Variants in EXTL3 observed in about 807,000 individuals in gnomAD.
EXTL3 encodes the protein exostosin-like 3.
In EXTL3, 27 loss-of-function variants were observed where a neutral mutation model predicts 69.3. The ratio of observed to expected loss-of-function variants is 0.39; its 90% CI spans 0.29 to 0.54. The LOEUF is 0.54. EXTL3 is among the 20% of genes least tolerant of loss of function. The probability of loss-of-function intolerance (pLI) is 0.69; values close to 1 mark genes in which losing one functional copy is unlikely to be tolerated. For missense variants in EXTL3, 1,003 were observed against 1,231.8 expected (o/e 0.81, Z 2.78); for synonymous variants, 511 against 499.4 (o/e 1.02, Z -0.31).
At chr8:28,696,020 G>A (rs187540692) in intron 1 of EXTL3, among the ~76,000 whole-genome samples, 92 of 151,950 alleles carry the variant, frequency 6.1e-4, no homozygotes, top group African/African-American at 1.6e-3. Context: ...TGGCTCAAGC[G>A]ATCCTCCCAC....
chr8:28,702,339 G>A (rs1454732240), intron 1 of EXTL3, among the ~76,000 whole-genome samples: 1 of 152,204 alleles, frequency 6.6e-6, no homozygotes, highest in African/African-American at 2.4e-5. Flanking sequence ...GCACGGGCTG[G>A]ACCGGACAGG....
chr8:28,660,663 T>C (rs1230577518), intron 1 of EXTL3, among the ~76,000 whole-genome samples: 1 of 152,042 alleles, frequency 6.6e-6, no homozygotes, highest in African/African-American at 2.4e-5. Context: ...CTTTTCATCT[T>C]GTAAAACTGA....
intron 3 of EXTL3, among the ~76,000 whole-genome samples, chr8:28,725,183 G>A (rs1801387838): frequency 6.6e-6 from 1 of 152,190 alleles, no homozygotes; most frequent in Admixed American, 6.5e-5. Context: ...GATGTAATCT[G>A]AAAAGGGGCA....
At chr8:28,641,297 G>A (rs1010511695) in intron 1 of EXTL3, among the ~76,000 whole-genome samples, 3 of 152,158 alleles carry the variant, frequency 2.0e-5, no homozygotes, top group African/African-American at 7.2e-5. Flanking sequence ...TATTGCTTCT[G>A]TGAAGTTTAC....
At chr8:28,723,592 A>G (rs1406473895) in intron 3 of EXTL3, among the ~76,000 whole-genome samples, 2 of 150,900 alleles carry the variant, frequency 1.3e-5, no homozygotes, top group African/African-American at 4.9e-5. Context: ...CTGTTGCTTC[A>G]GGTCACTTGA....
intron 1 of EXTL3, among the ~76,000 whole-genome samples, chr8:28,636,309 G>A (rs898109346): frequency 2.0e-5 from 3 of 147,284 alleles, no homozygotes; most frequent in African/African-American, 7.7e-5. Flanking sequence ...TCCAGCCTGG[G>A]TGACAGACCA....
chr8:28,651,497 T>A (rs114132597), intron 1 of EXTL3, among the ~76,000 whole-genome samples: 1,959 of 152,172 alleles, frequency 0.013, 56 homozygotes, highest in African/African-American at 0.045. Flanking sequence ...GGCTAATTTT[T>A]TATTTTTTGT....
At chr8:28,726,879 CT>C (rs11458194) in intron 3 of EXTL3, among the ~76,000 whole-genome samples, 264 of 99,922 alleles carry the variant, frequency 2.6e-3, no homozygotes, top group South Asian at 0.021. Flanking sequence ...CTTTTCTTTT[CT>C]TTTTTTTTTT....
chr8:28,683,354 C>T (rs909940677), intron 1 of EXTL3, among the ~76,000 whole-genome samples: 13 of 151,942 alleles, frequency 8.6e-5, no homozygotes, highest in African/African-American at 3.1e-4. Flanking sequence ...ATCATTTTAA[C>T]AACATTAATT....
chr8:28,643,820 C>T (rs1467451735), intron 1 of EXTL3, among the ~76,000 whole-genome samples: 1 of 152,142 alleles, frequency 6.6e-6, no homozygotes, highest in Admixed American at 6.6e-5. Context: ...AGCTGGAGTA[C>T]AGTGTCACAA....
intron 1 of EXTL3, among the ~76,000 whole-genome samples, chr8:28,626,049 G>C (rs899589933): frequency 2.1e-5 from 3 of 139,828 alleles, no homozygotes; most frequent in Non-Finnish European, 3.0e-5. Context: ...GTGCACACCT[G>C]TTGTCTCAGC....
chr8:28,681,239 A>G (rs920822226), intron 1 of EXTL3, among the ~76,000 whole-genome samples: 1 of 151,562 alleles, frequency 6.6e-6, no homozygotes, highest in East Asian at 2.0e-4. Flanking sequence ...TCCCAGACAG[A>G]CACACTGGCT....
rs1006251101 is a variant in EXTL3 at position 28,711,901 on chromosome 8, A to T, written c.-569-1556A>T. ...GTAGGATGAGGAAGTGATCAGTGAT[A>T]GGATTCATTTATTTAACAAATATTT... is the stretch of plus-strand genomic sequence containing the variant. On this transcript the variant is annotated intron_variant, in intron 1 of 6. Transcript: ENST00000220562. 1.1e-4 allele frequency among the ~76,000 whole-genome samples: 16 copies of T among 152,302 alleles called. 1 individual carries two copies. The highest frequency in any genetic ancestry group is 3.6e-4 in the African/African-American group (15 of 41,576).
In EXTL3 at chr8:28,752,023, G is replaced by A. The variant is rs1387630253; in HGVS notation, c.*1157G>A. On this transcript the variant is annotated 3_prime_UTR_variant, in exon 7 of 7. Transcript: ENST00000220562. ...CACCTTCCCCCCGCCTCTGTCTGGAGCCCCATCCTGTGTTATCTGTGGTTT... is the reference window on the plus strand; with the variant it reads ...CACCTTCCCCCCGCCTCTGTCTGGAACCCCATCCTGTGTTATCTGTGGTTT... 1 of 152,352 alleles carries A rather than the reference G, an allele frequency of 6.6e-6. No individual in the cohort carries two copies. Among genetic ancestry groups the A allele is most frequent in the African/African-American group, 2.4e-5 (1 of 41,446 alleles). The allele number at this position is 152,352 out of a possible 1,614,324, so 9.4% of individuals were successfully genotyped here. A position where few individuals can be genotyped will look rare whatever the true frequency, so the allele number is the denominator to read the frequency against.
chr8:28,737,598 C>T lies in EXTL3; in HGVS notation c.2356C>T (p.Leu786Phe), dbSNP rs1563222520. ...ATGGGACATCCCCCATCAGTCCTGG[C>T]TCTACAACTCCAACTACTCCTGTGA... ...HAWDIPHQSW[L>F]YNSNYSCELS... The change falls in exon 5 of 7, where the codon CTC (leucine) becomes TTC (phenylalanine). Residue 786 changes from leucine (L) to phenylalanine (F), a missense_variant. Transcript: ENST00000220562. 1 of 1,613,980 alleles carries T rather than the reference C, an allele frequency of 6.2e-7. No homozygotes were observed. The highest frequency in any genetic ancestry group is 8.5e-7 in the Non-Finnish European group (1 of 1,179,942).
chr8:28,686,989 G>A (rs929625801), intron 1 of EXTL3, among the ~76,000 whole-genome samples: 2 of 152,154 alleles, frequency 1.3e-5, no homozygotes, highest in African/African-American at 2.4e-5. Flanking sequence ...ATACAGTGGG[G>A]TCATGTAGGA....
At chr8:28,745,712 T>C (rs2130797618) in intron 6 of EXTL3, among the ~76,000 whole-genome samples, 1 of 152,350 alleles carries the variant, frequency 6.6e-6, no homozygotes, top group Non-Finnish European at 1.5e-5. Context: ...ATAGCATCAG[T>C]TACCTGAGCA....
chr8:28,635,473 G>A (rs760075017), intron 1 of EXTL3, among the ~76,000 whole-genome samples: 3 of 150,698 alleles, frequency 2.0e-5, no homozygotes, highest in Admixed American at 6.6e-5. Context: ...AGGCCGAGGC[G>A]GGCGGATCAT....
intron 1 of EXTL3, among the ~76,000 whole-genome samples, chr8:28,702,379 C>T (rs1213462728): frequency 2.0e-5 from 3 of 152,200 alleles, no homozygotes; most frequent in Non-Finnish European, 4.4e-5. Context: ...CGCGGCGGAG[C>T]TCCGAGCCCA....
Sources: allele counts gnomAD v4.1 joint callset (sites outside exome capture counted in the v4.1 genomes callset), GRCh38; gene constraint gnomAD v4.1.1; transcripts MANE v1.5; gene names NCBI Gene and HGNC (gene_info 2026-07-23, HGNC 2026-07-21).